Variants in BICC1 observed in about 807,000 individuals in gnomAD.
BICC1 encodes the protein BicC family RNA binding protein 1, also known as protein bicaudal C homolog 1.
Under a neutral mutation model 111.0 loss-of-function variants are expected in BICC1, and 43 were observed. The observed-to-expected ratio is 0.39, with a 90% CI of 0.30 to 0.50. The LOEUF (loss-of-function observed/expected upper bound fraction) is 0.50, where lower values mean the gene tolerates loss of function less well. BICC1 is among the 20% of genes least tolerant of loss of function. The pLI is 0.88. For missense variants in BICC1, 1,091 were observed against 1,203.2 expected (o/e 0.91, Z 1.38); for synonymous variants, 467 against 434.4 (o/e 1.07, Z -0.93).
chr10:58,808,915 A>C (rs181935827), intron 17 of BICC1, among the ~76,000 whole-genome samples: 6 of 152,014 alleles, frequency 3.9e-5, no homozygotes, highest in Non-Finnish European at 8.8e-5. Flanking sequence ...GAGTTTCACC[A>C]TGTTGACCAG....
intron 1 of BICC1, among the ~76,000 whole-genome samples, chr10:58,605,600 A>G (rs1319331391): frequency 6.6e-6 from 1 of 152,226 alleles, no homozygotes; most frequent in Non-Finnish European, 1.5e-5. Flanking sequence ...AAAATGGGAT[A>G]ATATTTGGAT....
intron 3 of BICC1, among the ~76,000 whole-genome samples, chr10:58,737,144 G>A (rs988947905): frequency 2.2e-4 from 33 of 151,818 alleles, no homozygotes; most frequent in African/African-American, 7.3e-4. Context: ...TGTGTACAAC[G>A]TGCAGGTTTG....
intron 1 of BICC1, among the ~76,000 whole-genome samples, chr10:58,586,969 T>C (rs919076880): frequency 2.0e-5 from 3 of 152,186 alleles, no homozygotes; most frequent in African/African-American, 4.8e-5. Context: ...AGGGATTAGT[T>C]AGCCTGCTGA....
At position 58,570,846 on chromosome 10, in the gene BICC1, A is replaced by G. The variant is rs1843927795; in HGVS notation, c.191-50009A>G. ...GCTAATTTAGCATTGACACAGCCTA[A>G]ACAGAAACAAATGGGTAGCAAGTGT... On this transcript the variant is annotated intron_variant, in intron 1 of 20. Transcript: ENST00000373886. Among the ~76,000 whole-genome samples the G allele has an allele frequency of 2.0e-5, 3 of 152,200 alleles. No homozygotes were observed. The South Asian group carries it at 6.2e-4, about 32-fold the overall frequency.
intron 2 of BICC1, among the ~76,000 whole-genome samples, chr10:58,641,117 A>C (rs1838109554): frequency 6.6e-6 from 1 of 152,202 alleles, no homozygotes; most frequent in Non-Finnish European, 1.5e-5. Flanking sequence ...AGGAAAAATG[A>C]AGCATCTCAT....
intron 3 of BICC1, among the ~76,000 whole-genome samples, chr10:58,779,196 G>A (rs1842822290): frequency 6.6e-6 from 1 of 152,208 alleles, no homozygotes; most frequent in Non-Finnish European, 1.5e-5. Flanking sequence ...CACTTTTGCT[G>A]ATTACTAAAG....
intron 5 of BICC1, 56 bp downstream of exon 5, chr10:58,787,137 T>C: frequency 6.9e-7 from 1 of 1,455,828 alleles, no homozygotes; most frequent in Non-Finnish European, 9.1e-7. Flanking sequence ...TTAATTTAAT[T>C]TTCAGTTTGC....
chr10:58,733,112 T>A (rs9416734), intron 3 of BICC1, among the ~76,000 whole-genome samples: 151,906 of 152,288 alleles, frequency 1, 75,763 homozygotes, highest in Middle Eastern at 1. Flanking sequence ...GTAATATTTA[T>A]CACTGTTACT....
At chr10:58,559,106 AC>A (rs5785326) in intron 1 of BICC1, among the ~76,000 whole-genome samples, 69,760 of 151,208 alleles carry the variant, frequency 0.46, 17,121 homozygotes, top group Admixed American at 0.63. Context: ...ATTAATAACC[AC>A]CCCCCCAGGA....
chr10:58,515,423 C>T (rs571021279), intron 1 of BICC1, among the ~76,000 whole-genome samples: 2 of 152,226 alleles, frequency 1.3e-5, no homozygotes, highest in South Asian at 4.1e-4. Flanking sequence ...TCCTAGGCTA[C>T]AAATAATGTT....
chr10:58,542,469 G>A (rs961560792), intron 1 of BICC1, among the ~76,000 whole-genome samples: 1 of 152,078 alleles, frequency 6.6e-6, no homozygotes, highest in African/African-American at 2.4e-5. Flanking sequence ...CAATGATTTT[G>A]TGGATTTAAC....
At chr10:58,659,220 C>A (rs943459016) in intron 2 of BICC1, among the ~76,000 whole-genome samples, 3 of 152,136 alleles carry the variant, frequency 2.0e-5, no homozygotes, top group Admixed American at 6.6e-5. Context: ...TTCAACCCAG[C>A]AATCCCATAA....
intron 10 of BICC1, 127 bp downstream of exon 10, chr10:58,796,653 GA>G: frequency 1.2e-6 from 1 of 866,654 alleles, no homozygotes; most frequent in Non-Finnish European, 1.7e-6. Context: ...AAGATCAGAT[GA>G]AAAGCCATAC....
At chr10:58,549,207 C>T (rs1367335622) in intron 1 of BICC1, among the ~76,000 whole-genome samples, 1 of 151,982 alleles carries the variant, frequency 6.6e-6, no homozygotes, top group Non-Finnish European at 1.5e-5. Context: ...TTCGTTTATA[C>T]ACTCACCTGT....
At chr10:58,748,050 A>G (rs1212198697) in intron 3 of BICC1, among the ~76,000 whole-genome samples, 2 of 152,184 alleles carry the variant, frequency 1.3e-5, no homozygotes, top group African/African-American at 2.4e-5. Flanking sequence ...GTTACATTAT[A>G]TCATACTAGG....
chr10:58,549,083 C>G (rs924807592), intron 1 of BICC1, among the ~76,000 whole-genome samples: 1 of 151,896 alleles, frequency 6.6e-6, no homozygotes, highest in East Asian at 1.9e-4. Flanking sequence ...TAGACTCAAG[C>G]AATCTGCCCA....
At chr10:58,745,226 G>A (rs1317940244) in intron 3 of BICC1, among the ~76,000 whole-genome samples, 1 of 152,068 alleles carries the variant, frequency 6.6e-6, no homozygotes, top group African/African-American at 2.4e-5. Context: ...CCTGGCTTAG[G>A]GGATTGGGCT....
chr10:58,639,775 A>G (rs927492253), intron 2 of BICC1, among the ~76,000 whole-genome samples: 1 of 126,750 alleles, frequency 7.9e-6, no homozygotes, highest in Admixed American at 9.5e-5. Flanking sequence ...AGGCTGGGGT[A>G]CATCTTGGCT....
intron 1 of BICC1, among the ~76,000 whole-genome samples, chr10:58,542,159 A>C (rs1033140649): frequency 6.8e-6 from 1 of 146,670 alleles, no homozygotes; most frequent in African/African-American, 2.7e-5. Context: ...TCAAAAAAAA[A>C]AAAAAAACAA....
Sources: allele counts gnomAD v4.1 joint callset (sites outside exome capture counted in the v4.1 genomes callset), GRCh38; gene constraint gnomAD v4.1.1; transcripts MANE v1.5; gene names NCBI Gene and HGNC (gene_info 2026-07-23, HGNC 2026-07-21).